The following ST8SIA5 variants were observed in gnomAD, a reference collection of about 807,000 sequenced individuals.
ST8SIA5 encodes alpha-2,8-sialyltransferase 8E.
In ST8SIA5, 24 loss-of-function variants were observed where a neutral mutation model predicts 40.2. The observed-to-expected ratio is 0.60, with a 90% confidence interval of 0.43 to 0.84. ST8SIA5 has a LOEUF of 0.84. Among genes scored for constraint, ST8SIA5 ranks in the 40% least tolerant of loss-of-function variants. The pLI, the probability that ST8SIA5 is intolerant of heterozygous loss-of-function variation, is 0.00. For missense variants in ST8SIA5, 465 were observed against 498.5 expected (o/e 0.93, Z 0.64); for synonymous variants, 198 against 201.8 (o/e 0.98, Z 0.16).
chr18:46,699,966 TC>T (rs2039595229), intron 2 of ST8SIA5, among the ~76,000 whole-genome samples: 1 of 152,168 alleles, frequency 6.6e-6, no homozygotes, highest in Non-Finnish European at 1.5e-5. Flanking sequence ...AGCACAGAGC[TC>T]CCAGTGGCAG....
chr18:46,683,075 A>AG (rs1235411750), intron 5 of ST8SIA5, among the ~76,000 whole-genome samples: 1 of 152,200 alleles, frequency 6.6e-6, no homozygotes, highest in Non-Finnish European at 1.5e-5. Flanking sequence ...GCCCTAAACA[A>AG]GCATAGTTTA....
chr18:46,705,572 C>T (rs2039661798), intron 1 of ST8SIA5, among the ~76,000 whole-genome samples: 1 of 152,266 alleles, frequency 6.6e-6, no homozygotes, highest in African/African-American at 2.4e-5. Flanking sequence ...TGACTCAAGG[C>T]TGCTCTTTCT....
chr18:46,725,322 C>G (rs976555088), intron 1 of ST8SIA5, among the ~76,000 whole-genome samples: 1 of 152,110 alleles, frequency 6.6e-6, no homozygotes, highest in African/African-American at 2.4e-5. Flanking sequence ...GAGTCTGCTA[C>G]GAAACTCATG....
chr18:46,711,153 A>C (rs943214446), intron 1 of ST8SIA5, among the ~76,000 whole-genome samples: 3 of 152,098 alleles, frequency 2.0e-5, no homozygotes, highest in African/African-American at 7.2e-5. Flanking sequence ...TCCCCAGATA[A>C]ATTAAGCCAC....
intron 1 of ST8SIA5, among the ~76,000 whole-genome samples, chr18:46,716,091 GATAGATAGATAGATA>G (rs1568265966): frequency 8.9e-5 from 10 of 112,662 alleles, no homozygotes; most frequent in African/African-American, 4.4e-4. Flanking sequence ...ACACAGGATA[GATAGATAGATAGATA>G]GATAGATAGA....
Position 46,756,871 on chromosome 18 carries a change from GGCCAATGGGGA to G in ST8SIA5, c.-374_-364del. 8.2e-6 allele frequency: 2 copies of G among 244,130 alleles called. No individual in the cohort carries two copies. The highest frequency in any genetic ancestry group is 1.2e-4 in the South Asian group (2 of 17,042). The allele number at this position is 244,130 out of a possible 1,614,324, so 15.1% of individuals were successfully genotyped here. A position where few individuals can be genotyped will look rare whatever the true frequency, so the allele number is the denominator to read the frequency against. On this transcript the variant is annotated 5_prime_UTR_variant, in exon 1 of 7. The change abolishes the stop of an existing upstream ORF in the 5' untranslated region. Transcript: ENST00000315087. ...AGGCGGCCCCTCCCGCCGAGGTGGC[GGCCAATGGGGA>G]GCAAGACCCGGGCTCCGTCCCCTGT...
At chr18:46,702,106 C>T (rs1017957735) in intron 2 of ST8SIA5, among the ~76,000 whole-genome samples, 1 of 145,680 alleles carries the variant, frequency 6.9e-6, no homozygotes, top group African/African-American at 2.6e-5. Context: ...GAGATGGCAC[C>T]ACTGCACTCC....
At chr18:46,712,154 C>G (rs2039739003) in intron 1 of ST8SIA5, among the ~76,000 whole-genome samples, 1 of 152,102 alleles carries the variant, frequency 6.6e-6, no homozygotes, top group African/African-American at 2.4e-5. Context: ...ACATGATGAC[C>G]TTATTTTCCA....
intron 1 of ST8SIA5, among the ~76,000 whole-genome samples, chr18:46,742,564 C>G (rs535324292): frequency 3.2e-4 from 48 of 152,294 alleles, no homozygotes; most frequent in African/African-American, 1.2e-3. Context: ...ATATAAAGAA[C>G]TCTTACAACT....
At chr18:46,689,081 C>T (rs1246509457) in intron 3 of ST8SIA5, 162 bp from the exon 4 acceptor site, 2 of 754,650 alleles carry the variant, frequency 2.7e-6, no homozygotes, top group Middle Eastern at 3.9e-4. Context: ...CTCTCCTGCC[C>T]ACCCATCCCA....
At chr18:46,749,219 G>T (rs1568282138) in intron 1 of ST8SIA5, among the ~76,000 whole-genome samples, 1 of 152,174 alleles carries the variant, frequency 6.6e-6, no homozygotes, top group Non-Finnish European at 1.5e-5. Flanking sequence ...GGAGGGATAG[G>T]GGTCTGGGAA....
At chr18:46,715,896 T>C (rs1359561257) in intron 1 of ST8SIA5, among the ~76,000 whole-genome samples, 1 of 152,100 alleles carries the variant, frequency 6.6e-6, no homozygotes, top group African/African-American at 2.4e-5. Flanking sequence ...CCAGAAGTGA[T>C]CTACTTAAAT....
rs770653498 is a variant in ST8SIA5, at chr18:46,680,321, G to A, written c.852C>T (p.Asn284=). 3 of 1,614,124 alleles carry A rather than the reference G, an allele frequency of 1.9e-6. No homozygotes were observed. The highest frequency in any genetic ancestry group is 3.3e-5 in the Admixed American group (2 of 60,014). Reference sequence around the variant, plus strand: ...CCAGGCTGAGCCAGTAGCGCGACACGTTGACCAGGTACTGCGGATGGAAGT... The same window carrying A: ...CCAGGCTGAGCCAGTAGCGCGACACATTGACCAGGTACTGCGGATGGAAGT... The part of the protein sequence containing the change: ...VYYFHPQYLV[N]VSRYWLSLGV... Residue 284 remains asparagine (N), a synonymous_variant, in exon 7 of 7, where the codon AAC becomes AAT. Coordinates refer to ENST00000315087, the MANE Select transcript of ST8SIA5 (RefSeq NM_013305.6).
intron 1 of ST8SIA5, among the ~76,000 whole-genome samples, chr18:46,733,563 G>A (rs537156228): frequency 8.1e-4 from 123 of 151,652 alleles, no homozygotes; most frequent in African/African-American, 2.7e-3. Flanking sequence ...GACAAAATGC[G>A]TCATACGCTA....
chr18:46,746,962 A>G (rs2144568083), intron 1 of ST8SIA5, among the ~76,000 whole-genome samples: 1 of 152,358 alleles, frequency 6.6e-6, no homozygotes, highest in Non-Finnish European at 1.5e-5. Context: ...AAAAACAAGA[A>G]ATCGGGAAAG....
intron 1 of ST8SIA5, among the ~76,000 whole-genome samples, chr18:46,749,107 T>C (rs899423599): frequency 3.9e-5 from 6 of 152,184 alleles, no homozygotes; most frequent in Non-Finnish European, 7.3e-5. Context: ...GTCAATCACA[T>C]AGGACAACAT....
intron 1 of ST8SIA5, among the ~76,000 whole-genome samples, chr18:46,719,451 C>T (rs2039829155): frequency 6.6e-6 from 1 of 152,080 alleles, no homozygotes; most frequent in African/African-American, 2.4e-5. Flanking sequence ...GGAAGAAAGG[C>T]AGAGGAGAAC....
Position 46,753,913 on chromosome 18 carries a change from A to G in ST8SIA5, c.131+2465T>C, listed in dbSNP as rs189782533. ...GCTTGTTACAAAGGCAGGTTAGTAG[A>G]TCTCACCCGAAGACAGTCAGATTCA... On this transcript the variant is annotated intron_variant, in intron 1 of 6. Coordinates refer to ENST00000315087, the MANE Select transcript of ST8SIA5 (RefSeq NM_013305.6). Among the ~76,000 whole-genome samples the G allele has an allele frequency of 2.3e-3, 344 of 152,162 alleles. 2 individuals are homozygous for G. The highest frequency in any genetic ancestry group is 7.8e-4 in the East Asian group (4 of 5,152).
intron 1 of ST8SIA5, among the ~76,000 whole-genome samples, chr18:46,725,543 G>A (rs191342176): frequency 2.0e-5 from 3 of 151,996 alleles, no homozygotes; most frequent in Non-Finnish European, 4.4e-5. Context: ...GCACGGGTGG[G>A]GGGGGAACAA....
Sources: gnomAD v4.1 joint callset for allele counts (sites outside exome capture counted in the v4.1 genomes callset) on GRCh38, gnomAD v4.1.1 for gene constraint, MANE v1.5 for transcripts, NCBI Gene and HGNC (gene_info 2026-07-23, HGNC 2026-07-21) for gene names.